The following GALNT13 variants were observed in gnomAD, a reference collection of about 807,000 sequenced individuals.
GALNT13 encodes UDP-GalNAc:polypeptide N-acetylgalactosaminyltransferase 13.
Under a neutral mutation model 64.2 loss-of-function variants are expected in GALNT13, and 28 were observed. That is an observed-to-expected ratio of 0.44 (90% confidence interval 0.32 to 0.60). GALNT13 has a LOEUF of 0.60. Among genes scored for constraint, GALNT13 ranks in the 20% least tolerant of loss-of-function variants. The pLI is 0.05. For synonymous variants in GALNT13, 214 were observed against 224.6 expected (o/e 0.95, Z 0.42); for missense variants, 577 against 669.8 (o/e 0.86, Z 1.53).
chr2:154,143,194 C>T (rs1020185435), intron 4 of GALNT13, among the ~76,000 whole-genome samples: 3 of 152,202 alleles, frequency 2.0e-5, no homozygotes, highest in South Asian at 2.1e-4. Context: ...CCTTCGCATG[C>T]GCAGTTCACA....
At chr2:153,907,893 G>A (rs1406207096) in intron 2 of GALNT13, among the ~76,000 whole-genome samples, 1 of 152,002 alleles carries the variant, frequency 6.6e-6, no homozygotes, top group Admixed American at 6.6e-5. Flanking sequence ...CTTTATGGTA[G>A]GATAATTTAT....
chr2:153,511,043 A>ACTCTGT, the GALNT13 span, among the ~76,000 whole-genome samples: 1 of 151,936 alleles, frequency 6.6e-6, no homozygotes, highest in Non-Finnish European at 1.5e-5. Flanking sequence ...AAAAAGAATA[A>ACTCTGT]CTCTGTCCAG....
At chr2:154,341,638 G>A (rs1357015935) in intron 9 of GALNT13, among the ~76,000 whole-genome samples, 1 of 151,954 alleles carries the variant, frequency 6.6e-6, no homozygotes, top group Non-Finnish European at 1.5e-5. Context: ...GAGGAAAAGA[G>A]GCACATAGGC....
At chr2:153,443,032 C>A in the GALNT13 span, among the ~76,000 whole-genome samples, 1 of 152,232 alleles carries the variant, frequency 6.6e-6, no homozygotes, top group Admixed American at 6.5e-5. Context: ...TCCCTGGCTT[C>A]AGCCCCCTTT....
At chr2:154,125,296 T>C (rs1285000087) in intron 3 of GALNT13, among the ~76,000 whole-genome samples, 1 of 152,036 alleles carries the variant, frequency 6.6e-6, no homozygotes, top group East Asian at 1.9e-4. Flanking sequence ...GTAGGTGAGG[T>C]AGAGCTATGG....
At chr2:154,041,113 A>C (rs1698951705) in intron 3 of GALNT13, among the ~76,000 whole-genome samples, 1 of 140,534 alleles carries the variant, frequency 7.1e-6, no homozygotes. Context: ...AATAAGGATA[A>C]GAAATTCAGG....
At chr2:153,366,720 G>GACACACACAC in the GALNT13 span, among the ~76,000 whole-genome samples, 81 of 109,158 alleles carry the variant, frequency 7.4e-4, no homozygotes, top group Middle Eastern at 4.9e-3. Flanking sequence ...AGCACACAGG[G>GACACACACAC]ACACACACAC....
At chr2:153,699,616 G>T in the GALNT13 span, among the ~76,000 whole-genome samples, 5 of 151,886 alleles carry the variant, frequency 3.3e-5, no homozygotes, top group Admixed American at 1.3e-4. Context: ...AAGAAGAAAA[G>T]AGAGAAGAAT....
chr2:153,297,937 T>A, the GALNT13 span, among the ~76,000 whole-genome samples: 1 of 152,122 alleles, frequency 6.6e-6, no homozygotes, highest in Admixed American at 6.6e-5. Flanking sequence ...GAGAAAACAT[T>A]ATGATTCAAG....
At chr2:154,380,850 A>G (rs1189696699) in intron 9 of GALNT13, among the ~76,000 whole-genome samples, 9 of 151,974 alleles carry the variant, frequency 5.9e-5, no homozygotes, top group Admixed American at 5.9e-4. Context: ...TCTGCTTCCA[A>G]TTTTACATGT....
chr2:153,971,046 T>A (rs751247198), intron 3 of GALNT13, among the ~76,000 whole-genome samples: 2 of 152,198 alleles, frequency 1.3e-5, no homozygotes, highest in South Asian at 4.1e-4. Context: ...TTATTCATTC[T>A]GTTCCAGTCA....
At chr2:154,049,446 G>GATAT (rs35501666) in intron 3 of GALNT13, among the ~76,000 whole-genome samples, 42 of 145,280 alleles carry the variant, frequency 2.9e-4, no homozygotes, top group African/African-American at 8.8e-4. Flanking sequence ...TATTCATTGT[G>GATAT]ATATATATAT....
chr2:153,350,039 G>A, the GALNT13 span, among the ~76,000 whole-genome samples: 6 of 152,102 alleles, frequency 3.9e-5, no homozygotes, highest in Non-Finnish European at 8.8e-5. Context: ...TCTCTTCCCT[G>A]CCTCACTCTT....
chr2:154,432,353 A>G (rs895211703), intron 11 of GALNT13, among the ~76,000 whole-genome samples: 1 of 152,222 alleles, frequency 6.6e-6, no homozygotes, highest in Non-Finnish European at 1.5e-5. Context: ...ATGACAATCT[A>G]AAATCAGATT....
the GALNT13 span, among the ~76,000 whole-genome samples, chr2:153,733,377 T>C: frequency 2.0e-5 from 3 of 152,134 alleles, no homozygotes; most frequent in East Asian, 5.8e-4. Flanking sequence ...GCAGGGTCTG[T>C]ATTTGTTTAT....
At chr2:153,151,403 A>C in the GALNT13 span, among the ~76,000 whole-genome samples, 1 of 152,162 alleles carries the variant, frequency 6.6e-6, no homozygotes, top group Non-Finnish European at 1.5e-5. Context: ...TAGTTCAGCC[A>C]TTGTGGAAGT....
chr2:153,666,949 A>G, the GALNT13 span, among the ~76,000 whole-genome samples: 4 of 152,234 alleles, frequency 2.6e-5, no homozygotes, highest in East Asian at 5.8e-4. Context: ...GAAAATCAAA[A>G]TAGCCATTTT....
chr2:153,071,818 G>A, the GALNT13 span, among the ~76,000 whole-genome samples: 1 of 152,140 alleles, frequency 6.6e-6, no homozygotes, highest in Non-Finnish European at 1.5e-5. Context: ...CACTAGCTAA[G>A]AATGGTTTTT....
chr2:154,450,613 G>A lies in GALNT13; in HGVS notation c.*62G>A. On this transcript the variant is annotated 3_prime_UTR_variant, in exon 13 of 13. Transcript: ENST00000392825. Reference sequence around the variant, plus strand: ...TTTGTTTTTCCATTATTTCAATTGGGGGAAAATATTAACTTTGCTGAATTG... The same window carrying A: ...TTTGTTTTTCCATTATTTCAATTGGAGGAAAATATTAACTTTGCTGAATTG... 14 of 1,386,894 alleles carry A rather than the reference G, an allele frequency of 1.0e-5. No individual in the cohort carries two copies. Among genetic ancestry groups the A allele is most frequent in the South Asian group, 4.7e-5 (3 of 64,164 alleles). 85.9% of individuals were successfully genotyped at this position (1,386,894 alleles called of 1,614,324 possible). A position where few individuals can be genotyped will look rare whatever the true frequency, so the allele number is the denominator to read the frequency against.
Sources: gnomAD v4.1 joint callset for allele counts (sites outside exome capture counted in the v4.1 genomes callset) on GRCh38, gnomAD v4.1.1 for gene constraint, MANE v1.5 for transcripts, NCBI Gene and HGNC (gene_info 2026-07-23, HGNC 2026-07-21) for gene names.